The following NCKAP5 variants were observed in gnomAD, a reference collection of about 807,000 sequenced individuals.
The protein encoded by NCKAP5 is nck-associated protein 5.
Under a neutral mutation model 167.0 loss-of-function variants are expected in NCKAP5, and 92 were observed. The observed-to-expected ratio is 0.55, with a 90% CI of 0.47 to 0.66. The LOEUF (loss-of-function observed/expected upper bound fraction) is 0.66. NCKAP5 is among the 30% of genes least tolerant of loss of function. The probability of loss-of-function intolerance (pLI) is 0.00; values close to 1 mark genes in which losing one functional copy is unlikely to be tolerated. For missense variants in NCKAP5, 2,378 were observed against 2,315.0 expected, an observed-to-expected ratio of 1.03 and a Z score of -0.56; for synonymous variants, 891 against 877.4, an observed-to-expected ratio of 1.02 and a Z score of -0.27.
At chr2:133,569,637 G>T (rs1688784820), upstream of NCKAP5, among the ~76,000 whole-genome samples, 1 of 152,162 alleles carries the variant, frequency 6.6e-6, no homozygotes, top group Non-Finnish European at 1.5e-5. Flanking sequence ...CTGTGGCATG[G>T]AGTGTATGTT....
chr2:133,526,485 T>C (rs1211229806), intron 2 of NCKAP5, among the ~76,000 whole-genome samples: 1 of 152,208 alleles, frequency 6.6e-6, no homozygotes, highest in Non-Finnish European at 1.5e-5. Context: ...TCACTTTTTA[T>C]TGAGCTAACC....
intron 4 of NCKAP5, among the ~76,000 whole-genome samples, chr2:133,228,088 T>C (rs2086975961): frequency 6.6e-6 from 1 of 152,178 alleles, no homozygotes; most frequent in Non-Finnish European, 1.5e-5. Context: ...TGGCATAGCA[T>C]AGGTGAGGTA....
intron 6 of NCKAP5, among the ~76,000 whole-genome samples, chr2:133,060,419 A>G (rs75740299): frequency 0.024 from 3,693 of 152,316 alleles, 144 homozygotes; most frequent in African/African-American, 0.083. Flanking sequence ...AAAATCCCAG[A>G]TATCAACAAG....
At chr2:133,397,650 A>C (rs1022627283) in intron 3 of NCKAP5, among the ~76,000 whole-genome samples, 1 of 152,208 alleles carries the variant, frequency 6.6e-6, no homozygotes, top group Non-Finnish European at 1.5e-5. Context: ...ACTATTAAGC[A>C]GGTTGTAGAG....
intron 6 of NCKAP5, among the ~76,000 whole-genome samples, chr2:133,054,124 C>T (rs2079706279): frequency 6.6e-6 from 1 of 152,256 alleles, no homozygotes. Flanking sequence ...AGTATCTAAG[C>T]TTGCAAGAAA....
chr2:133,539,336 C>A (rs979023286), intron 2 of NCKAP5, among the ~76,000 whole-genome samples: 1 of 152,036 alleles, frequency 6.6e-6, no homozygotes, highest in African/African-American at 2.4e-5. Context: ...ATCCATAAAT[C>A]CTCTAGGTGA....
chr2:132,956,761 C>T (rs887487164), intron 8 of NCKAP5, among the ~76,000 whole-genome samples: 5 of 152,212 alleles, frequency 3.3e-5, no homozygotes, highest in Admixed American at 2.6e-4. Flanking sequence ...CTGACCATGC[C>T]TTGCCAGAGC....
chr2:132,737,017 A>G (rs2105536687), intron 16 of NCKAP5, among the ~76,000 whole-genome samples: 1 of 152,258 alleles, frequency 6.6e-6, no homozygotes, highest in East Asian at 1.9e-4. Flanking sequence ...CTGTCTCTCA[A>G]GGTATTAACA....
intron 6 of NCKAP5, among the ~76,000 whole-genome samples, chr2:133,023,137 C>T (rs955011412): frequency 6.6e-6 from 1 of 152,156 alleles, no homozygotes; most frequent in Non-Finnish European, 1.5e-5. Context: ...ATCCCAGATG[C>T]ACAGAGATTG....
intron 2 of NCKAP5, among the ~76,000 whole-genome samples, chr2:133,550,709 A>T (rs867509409): frequency 3.8e-4 from 49 of 127,568 alleles, no homozygotes; most frequent in African/African-American, 1.3e-3. Flanking sequence ...GCCCTCTCTC[A>T]CCACTCCTAT....
At chr2:133,367,806 C>G (rs1367427489) in intron 3 of NCKAP5, among the ~76,000 whole-genome samples, 1 of 152,020 alleles carries the variant, frequency 6.6e-6, no homozygotes, top group Admixed American at 6.5e-5. Context: ...CAATTCATAT[C>G]AGACTTTTTA....
intron 6 of NCKAP5, among the ~76,000 whole-genome samples, chr2:133,024,456 A>G (rs2149401325): frequency 6.6e-6 from 1 of 152,346 alleles, no homozygotes; most frequent in African/African-American, 2.4e-5. Flanking sequence ...AACATAAACT[A>G]TGGCATTTTA....
chr2:132,940,946 T>C (rs1260354467), intron 8 of NCKAP5, among the ~76,000 whole-genome samples: 2 of 152,058 alleles, frequency 1.3e-5, no homozygotes, highest in Non-Finnish European at 2.9e-5. Context: ...AAAAGAAACA[T>C]TAATATTACA....
At chr2:133,023,077 T>C (rs1345381590) in intron 6 of NCKAP5, among the ~76,000 whole-genome samples, 2 of 152,188 alleles carry the variant, frequency 1.3e-5, no homozygotes, top group Admixed American at 6.5e-5. Context: ...CACCTTCAGC[T>C]AAGCCTCTGA....
chr2:133,244,618 T>TA (rs943539797), intron 4 of NCKAP5, among the ~76,000 whole-genome samples: 2 of 151,840 alleles, frequency 1.3e-5, no homozygotes, highest in Non-Finnish European at 2.9e-5. Flanking sequence ...AATATATATT[T>TA]AAAAAAACAG....
At chr2:132,881,470 C>T (rs990375373) in intron 8 of NCKAP5, among the ~76,000 whole-genome samples, 4 of 151,996 alleles carry the variant, frequency 2.6e-5, no homozygotes, top group Admixed American at 6.6e-5. Context: ...CCATTGCACC[C>T]GGCCTGGAAT....
chr2:133,310,201 G>T (rs2150607532), intron 3 of NCKAP5, among the ~76,000 whole-genome samples: 1 of 152,234 alleles, frequency 6.6e-6, no homozygotes, highest in South Asian at 2.1e-4. Flanking sequence ...AAATAGAAAG[G>T]TGTCTCATAA....
chr2:133,358,686 T>A (rs986111160), intron 3 of NCKAP5, among the ~76,000 whole-genome samples: 2 of 152,208 alleles, frequency 1.3e-5, no homozygotes, highest in African/African-American at 4.8e-5. Context: ...GAAAGTAACA[T>A]TCTCTTTTCT....
At chr2:132,955,915 T>C (rs916972249) in intron 8 of NCKAP5, among the ~76,000 whole-genome samples, 22 of 152,288 alleles carry the variant, frequency 1.4e-4, no homozygotes, top group African/African-American at 5.1e-4. Flanking sequence ...TCAGTGATGG[T>C]GAGCTTTTTT....
Sources: gnomAD v4.1 joint callset for allele counts (sites outside exome capture counted in the v4.1 genomes callset) on GRCh38, gnomAD v4.1.1 for gene constraint, MANE v1.5 for transcripts, NCBI Gene and HGNC (gene_info 2026-07-23, HGNC 2026-07-21) for gene names.